ZCCHC4: variants seen among roughly 807,000 people sequenced by gnomAD.
ZCCHC4 encodes the protein zinc finger CCHC-type containing 4.
A neutral mutation model predicts 67.7 loss-of-function variants in ZCCHC4; 54 were observed. That is an observed-to-expected ratio of 0.80 (90% CI 0.64 to 1.00). The LOEUF is 1.00. Among genes scored for constraint, ZCCHC4 ranks in the 50% least tolerant of loss-of-function variants. The pLI is 0.00. For synonymous variants in ZCCHC4, 198 were observed against 213.5 expected, an observed-to-expected ratio of 0.93 and a Z score of 0.63; for missense variants, 609 against 617.0, an observed-to-expected ratio of 0.99 and a Z score of 0.14.
intron 5 of ZCCHC4, among the ~76,000 whole-genome samples, chr4:25,334,761 G>C (rs1719366235): frequency 6.6e-6 from 1 of 152,044 alleles, no homozygotes; most frequent in South Asian, 2.1e-4. Context: ...TTTTTAATGT[G>C]TTCTTGAAGG....
At chr4:25,334,838 A>AT (rs111524305) in intron 5 of ZCCHC4, among the ~76,000 whole-genome samples, 65 of 147,038 alleles carry the variant, frequency 4.4e-4, no homozygotes, top group South Asian at 1.7e-3. Flanking sequence ...AAGAAGACAG[A>AT]TTTTTTTTTT....
chr4:25,315,311 C>A lies in ZCCHC4; in HGVS notation c.247-7C>A. On this transcript the variant is annotated splice_region_variant and splice_polypyrimidine_tract_variant and intron_variant, in intron 2 of 12. Transcript: ENST00000302874. ...GTTTATTCAATGGGTTTTGTACTCT[C>A]TTTCAGTTGTCAGGAGCTAGACTTG... is the stretch of plus-strand genomic sequence containing the variant. The A allele has an allele frequency of 6.2e-7, 1 of 1,610,262 alleles. No homozygotes were observed. The highest frequency in any genetic ancestry group is 8.5e-7 in the Non-Finnish European group (1 of 1,178,170).
At chr4:25,366,009 A>ATATGAAAT in intron 12 of ZCCHC4, 1 of 980,814 alleles carries the variant, frequency 1.0e-6, no homozygotes, top group African/African-American at 1.7e-5. Flanking sequence ...ATATGACATT[A>ATATGAAAT]TATGAAAATT....
At chr4:25,314,847 A>G (rs963124239) in intron 2 of ZCCHC4, among the ~76,000 whole-genome samples, 6 of 152,182 alleles carry the variant, frequency 3.9e-5, no homozygotes, top group African/African-American at 1.2e-4. Flanking sequence ...GTTAAAAAAC[A>G]CTTTTTTTGA....
chr4:25,316,389 G>A (rs1055286952), intron 3 of ZCCHC4, among the ~76,000 whole-genome samples: 8 of 152,112 alleles, frequency 5.3e-5, no homozygotes, highest in South Asian at 4.1e-4. Context: ...TTGAGGAACC[G>A]CCAAACTGTT....
chr4:25,357,693 T>C (rs901484330), intron 8 of ZCCHC4, among the ~76,000 whole-genome samples: 1 of 152,248 alleles, frequency 6.6e-6, no homozygotes, highest in African/African-American at 2.4e-5. Context: ...TGTTGTAAGT[T>C]CTTTTGTATT....
At chr4:25,358,964 C>A (rs944478721) in intron 8 of ZCCHC4, among the ~76,000 whole-genome samples, 4 of 152,200 alleles carry the variant, frequency 2.6e-5, no homozygotes, top group African/African-American at 9.7e-5. Context: ...CTACCCACTC[C>A]CCTTGGTCCT....
intron 3 of ZCCHC4, among the ~76,000 whole-genome samples, chr4:25,322,719 T>C (rs1718648657): frequency 6.6e-6 from 1 of 152,088 alleles, no homozygotes; most frequent in African/African-American, 2.4e-5. Context: ...GGTTTTGCCA[T>C]ATTGGTCAGG....
At chr4:25,365,673 T>A (rs1720913461) in intron 12 of ZCCHC4, 5 of 984,892 alleles carry the variant, frequency 5.1e-6, no homozygotes, top group Non-Finnish European at 6.0e-6. Context: ...ATATTTGAAA[T>A]TTTTATTACT....
At chr4:25,340,571 A>C (rs1719702362) in intron 5 of ZCCHC4, among the ~76,000 whole-genome samples, 1 of 152,212 alleles carries the variant, frequency 6.6e-6, no homozygotes, top group Non-Finnish European at 1.5e-5. Flanking sequence ...TTGAATTTGT[A>C]GATTAATTTG....
chr4:25,350,408 G>T (rs1366174833), intron 7 of ZCCHC4, among the ~76,000 whole-genome samples: 1 of 151,722 alleles, frequency 6.6e-6, no homozygotes, highest in African/African-American at 2.4e-5. Context: ...CTACAAACAT[G>T]TGCCACCATG....
At chr4:25,329,001 G>C (rs1719036456) in intron 3 of ZCCHC4, among the ~76,000 whole-genome samples, 1 of 151,936 alleles carries the variant, frequency 6.6e-6, no homozygotes, top group African/African-American at 2.4e-5. Context: ...AGCCTGGACA[G>C]CATGGCAAAA....
chr4:25,324,251 A>G (rs1375309621), intron 3 of ZCCHC4, among the ~76,000 whole-genome samples: 1 of 150,986 alleles, frequency 6.6e-6, no homozygotes, highest in Non-Finnish European at 1.5e-5. Flanking sequence ...TCCTGACCTC[A>G]TGATCTGCCT....
At chr4:25,335,631 G>A (rs1039599520) in intron 5 of ZCCHC4, among the ~76,000 whole-genome samples, 5 of 151,510 alleles carry the variant, frequency 3.3e-5, no homozygotes, top group Admixed American at 6.6e-5. Flanking sequence ...GTGGTGGTAC[G>A]TGCCTATAGT....
intron 8 of ZCCHC4, 44 bp from the exon 9 acceptor site, chr4:25,361,814 TA>T: frequency 6.5e-7 from 1 of 1,543,608 alleles, no homozygotes; most frequent in African/African-American, 1.4e-5. Context: ...TAATGTTGAC[TA>T]ATTTGAGTAA....
intron 3 of ZCCHC4, among the ~76,000 whole-genome samples, chr4:25,324,063 G>T (rs1718731882): frequency 7.8e-6 from 1 of 128,438 alleles, no homozygotes; most frequent in South Asian, 2.3e-4. Context: ...CCAGGCTGGA[G>T]TGCAATGGTG....
At chr4:25,361,442 G>A (rs996639440) in intron 8 of ZCCHC4, among the ~76,000 whole-genome samples, 3 of 152,222 alleles carry the variant, frequency 2.0e-5, no homozygotes, top group African/African-American at 4.8e-5. Flanking sequence ...GAGCGCAGTC[G>A]TACAACTCCA....
intron 8 of ZCCHC4, among the ~76,000 whole-genome samples, chr4:25,354,221 C>T (rs556972232): frequency 4.6e-5 from 7 of 152,216 alleles, no homozygotes; most frequent in Non-Finnish European, 8.8e-5. Flanking sequence ...CCAGCTGTCA[C>T]TTGTTAGGCA....
At chr4:25,352,449 C>G in intron 8 of ZCCHC4, 2 of 966,792 alleles carry the variant, frequency 2.1e-6, no homozygotes, top group South Asian at 9.6e-5. Context: ...CACTCTGTCA[C>G]CCAGTCTGGA....
Sources: gnomAD v4.1 joint callset for allele counts (sites outside exome capture counted in the v4.1 genomes callset) on GRCh38, gnomAD v4.1.1 for gene constraint, MANE v1.5 for transcripts, NCBI Gene and HGNC (gene_info 2026-07-23, HGNC 2026-07-21) for gene names.